The following CDH9 variants were observed in gnomAD, a reference collection of about 807,000 sequenced individuals.
CDH9 encodes cadherin 9.
A neutral mutation model predicts 70.9 loss-of-function variants in CDH9; 28 were observed. The ratio of observed to expected loss-of-function variants is 0.40; its 90% CI spans 0.29 to 0.54. The LOEUF (loss-of-function observed/expected upper bound fraction) is 0.54, where lower values mean the gene tolerates loss of function less well. Ranked by LOEUF, CDH9 falls within the 20% of genes least tolerant of loss-of-function variation. The pLI, the probability that CDH9 is intolerant of heterozygous loss-of-function variation, is 0.59. For synonymous variants in CDH9, 409 were observed against 343.1 expected (o/e 1.19, Z -2.12); for missense variants, 874 against 984.4 (o/e 0.89, Z 1.50).
chr5:26,984,578 C>A (rs1359588421), intron 2 of CDH9, among the ~76,000 whole-genome samples: 3 of 151,994 alleles, frequency 2.0e-5, no homozygotes, highest in Non-Finnish European at 2.9e-5. Context: ...GGACTTTGAA[C>A]TTATGTATAA....
At chr5:26,934,332 G>T (rs183221105) in intron 2 of CDH9, among the ~76,000 whole-genome samples, 89 of 152,158 alleles carry the variant, frequency 5.8e-4, no homozygotes, top group Non-Finnish European at 1.1e-3. Context: ...CAGGCATTGT[G>T]GTATGCCCTG....
chr5:26,995,303 T>C (rs1273735246), intron 1 of CDH9, among the ~76,000 whole-genome samples: 1 of 152,108 alleles, frequency 6.6e-6, no homozygotes, highest in Non-Finnish European at 1.5e-5. Context: ...AACAAACTGA[T>C]AGAGAAATAG....
chr5:26,898,797 C>A (rs780950021), intron 7 of CDH9, among the ~76,000 whole-genome samples: 45 of 152,224 alleles, frequency 3.0e-4, no homozygotes, highest in Admixed American at 7.2e-4. Flanking sequence ...AAAGCAATGA[C>A]AACAAAAGCC....
At chr5:27,021,064 A>G (rs1162130946) in intron 1 of CDH9, among the ~76,000 whole-genome samples, 1 of 151,788 alleles carries the variant, frequency 6.6e-6, no homozygotes, top group Non-Finnish European at 1.5e-5. Context: ...TATTTTATAG[A>G]GTTTAATCAT....
At position 26,951,291 on chromosome 5, in the gene CDH9, C is replaced by CAAA. The variant is rs796799417; in HGVS notation, c.229-35370_229-35368dup. 4.4e-3 allele frequency among the ~76,000 whole-genome samples: 377 copies of CAAA among 86,158 alleles called. 91 individuals are homozygous for CAAA. Among genetic ancestry groups the CAAA allele is most frequent in the African/African-American group, 7.8e-3 (142 of 18,200 alleles). The allele number at this position is 86,158 out of a possible 152,430, so 56.5% of individuals were successfully genotyped here. On this transcript the variant is annotated intron_variant, in intron 2 of 11. Coordinates refer to ENST00000231021, the MANE Select transcript of CDH9 (RefSeq NM_016279.4). ...TGGGTGACAGAGCAAGACTCTGTCT[C>CAAA]AAAAAAAAAAAAAAAAAAAAAAAAA...
intron 1 of CDH9, among the ~76,000 whole-genome samples, chr5:27,008,473 G>A (rs1173706870): frequency 7.0e-6 from 1 of 142,278 alleles, no homozygotes; most frequent in Non-Finnish European, 1.5e-5. Flanking sequence ...CTGGGCAACG[G>A]AGTGAGACCC....
chr5:26,945,959 A>T (rs1404471875), intron 2 of CDH9, among the ~76,000 whole-genome samples: 2 of 152,188 alleles, frequency 1.3e-5, no homozygotes, highest in Non-Finnish European at 2.9e-5. Context: ...ATTATTTAAC[A>T]AACAAACTAA....
intron 8 of CDH9, 133 bp downstream of exon 8, chr5:26,890,295 T>A (rs562559284): frequency 5.8e-5 from 41 of 710,830 alleles, no homozygotes; most frequent in Non-Finnish European, 9.9e-5. Context: ...AATGTGTTGA[T>A]ATTCTAAGCC....
intron 2 of CDH9, among the ~76,000 whole-genome samples, chr5:26,961,211 C>T (rs996768234): frequency 1.3e-5 from 2 of 152,006 alleles, no homozygotes; most frequent in African/African-American, 4.8e-5. Context: ...TGTGGAATGA[C>T]TAAATCAAGC....
chr5:26,902,258 A>G (rs906879415), intron 7 of CDH9, among the ~76,000 whole-genome samples: 6 of 151,938 alleles, frequency 3.9e-5, no homozygotes, highest in African/African-American at 1.4e-4. Context: ...TTTCAAAGAC[A>G]GCCAAGCTAA....
chr5:26,888,582 C>T (rs1436968587), intron 9 of CDH9, among the ~76,000 whole-genome samples: 1 of 152,096 alleles, frequency 6.6e-6, no homozygotes, highest in Non-Finnish European at 1.5e-5. Context: ...TGTGAAAATT[C>T]CATGTTATTA....
In CDH9 at chr5:26,885,643, G is replaced by C. The variant is rs577458372; in HGVS notation, c.1853C>G (p.Ala618Gly). ...SAGLSTGALV[A>G]ILLCVLILLI... Reference sequence around the variant, plus strand: ...CAGTATGAGGACACAGAGTAGAATCGCAACGAGAGCTCCCGTGCTCAGGCC... The same window carrying C: ...CAGTATGAGGACACAGAGTAGAATCCCAACGAGAGCTCCCGTGCTCAGGCC... The change falls in exon 11 of 12, where the codon GCG becomes GGG. Residue 618 changes from alanine (A) to glycine (G), a missense_variant. Transcript: ENST00000231021. The C allele has an allele frequency of 2.9e-5, 47 of 1,613,302 alleles. No individual in the cohort carries two copies. In the South Asian group the frequency reaches 4.8e-4, roughly 17 times the overall value.
chr5:27,015,422 A>G (rs1424479280), intron 1 of CDH9, among the ~76,000 whole-genome samples: 2 of 151,722 alleles, frequency 1.3e-5, no homozygotes, highest in African/African-American at 2.4e-5. Context: ...CTCTGAAGAA[A>G]CCTCATTTAA....
chr5:27,022,604 C>A (rs10461828), intron 1 of CDH9, among the ~76,000 whole-genome samples: 11,388 of 152,122 alleles, frequency 0.075, 572 homozygotes, highest in East Asian at 0.11. Flanking sequence ...TGGCTGATAA[C>A]TGAATTTGTT....
At chr5:27,023,532 T>G (rs1179361387) in intron 1 of CDH9, among the ~76,000 whole-genome samples, 1 of 152,122 alleles carries the variant, frequency 6.6e-6, no homozygotes, top group Non-Finnish European at 1.5e-5. Flanking sequence ...CTAGTAGGCC[T>G]GGATTCTACT....
chr5:27,033,758 C>A (rs1278075184), intron 1 of CDH9, among the ~76,000 whole-genome samples: 2 of 151,200 alleles, frequency 1.3e-5, no homozygotes, highest in Non-Finnish European at 3.0e-5. Flanking sequence ...CTACAGTAAC[C>A]TGCTTTGGTA....
intron 1 of CDH9, among the ~76,000 whole-genome samples, chr5:27,023,957 T>C (rs544955696): frequency 6.6e-6 from 1 of 151,582 alleles, no homozygotes; most frequent in Non-Finnish European, 1.5e-5. Context: ...GAGGCTGAGG[T>C]AGGAGGTTTG....
At chr5:26,937,312 T>C (rs2112031047) in intron 2 of CDH9, among the ~76,000 whole-genome samples, 1 of 152,152 alleles carries the variant, frequency 6.6e-6, no homozygotes, top group East Asian at 1.9e-4. Flanking sequence ...ACTAAAACAA[T>C]GAGACAGCAC....
chr5:26,882,648 C>G (rs762562108), intron 11 of CDH9, among the ~76,000 whole-genome samples: 1 of 151,776 alleles, frequency 6.6e-6, no homozygotes, highest in African/African-American at 2.4e-5. Flanking sequence ...AGAATAAAAC[C>G]AAGAAAATAT....
Sources: allele counts gnomAD v4.1 joint callset (sites outside exome capture counted in the v4.1 genomes callset), GRCh38; gene constraint gnomAD v4.1.1; transcripts MANE v1.5; gene names NCBI Gene and HGNC (gene_info 2026-07-23, HGNC 2026-07-21).